MYL2: variants seen among roughly 807,000 people sequenced by gnomAD.
MYL2 encodes the protein myosin regulatory light chain 2, ventricular/cardiac muscle isoform.
Under a neutral mutation model 23.0 loss-of-function variants are expected in MYL2, and 19 were observed. That is an observed-to-expected ratio of 0.83 (90% CI 0.58 to 1.21). The LOEUF is 1.21. Ranked by LOEUF, MYL2 falls within the 50% of genes most tolerant of loss-of-function variation. The pLI is 0.00. For synonymous variants in MYL2, 78 were observed against 76.2 expected (o/e 1.02, Z -0.13); for missense variants, 180 against 215.1 (o/e 0.84, Z 1.02).
intron 3 of MYL2, among the ~76,000 whole-genome samples, chr12:110,915,353 A>G (rs1310729889): frequency 6.6e-6 from 1 of 152,234 alleles, no homozygotes; most frequent in Non-Finnish European, 1.5e-5. Context: ...CAAACCTAAC[A>G]GACATGTCTA....
Position 110,918,943 on chromosome 12 carries a change from T to C in MYL2, c.93+161A>G. ...AATCAGTGAAAATATTAAAAATAGT[T>C]TCTTTTAAAAATTCACACATCCGTT... On this transcript the variant is annotated intron_variant, in intron 2 of 6. Transcript: ENST00000228841. This position sits in a 1 kb window ranked among gnomAD's most constrained non-coding sequence, Gnocchi z 4.4. 1.6e-6 allele frequency: 1 copy of C among 644,814 alleles called. No individual in the cohort carries two copies. The highest frequency in any genetic ancestry group is 1.9e-5 in the South Asian group (1 of 52,550). 39.9% of individuals were successfully genotyped at this position (644,814 alleles called of 1,614,324 possible). A position where few individuals can be genotyped will look rare whatever the true frequency, so the allele number is the denominator to read the frequency against.
intron 6 of MYL2, 134 bp from the exon 7 acceptor site, chr12:110,911,309 C>G: frequency 1.5e-6 from 1 of 680,308 alleles, no homozygotes. Context: ...CTCAGAGGGT[C>G]CTCCGGGGAA....
chr12:110,912,413 A>G (rs2071659227), intron 6 of MYL2, among the ~76,000 whole-genome samples: 2 of 152,240 alleles, frequency 1.3e-5, no homozygotes, highest in South Asian at 4.1e-4. Context: ...TGTTCAGTGC[A>G]CAACTCACAT....
intron 1 of MYL2, among the ~76,000 whole-genome samples, chr12:110,919,665 G>A (rs1021423592): frequency 2.6e-5 from 4 of 152,034 alleles, no homozygotes; most frequent in African/African-American, 7.2e-5. Flanking sequence ...ACCCAACTGC[G>A]CCCCACACCC....
Position 110,919,160 on chromosome 12 carries a change from C to T in MYL2, c.37G>A (p.Ala13Thr), listed in dbSNP as rs104894363. 358 of 1,613,650 alleles carry T rather than the reference C, an allele frequency of 2.2e-4. 1 individual carries two copies. The highest frequency in any genetic ancestry group is 1.5e-4 in the Non-Finnish European group (182 of 1,179,976). Residue 13 changes from alanine to threonine, a missense_variant, in exon 2 of 7, where the codon GCC becomes ACC. Ala to Thr is a moderately conservative substitution (Grantham distance 58). Coordinates refer to ENST00000228841, the MANE Select transcript of MYL2 (RefSeq NM_000432.4). ...PKKAKKRAGG[A>T]NSNVFSMFEQ... ...AACATGGAGAACACGTTGGAGTTGG[C>T]GCCCCCGGCTCTCTTCTTTGCTTTC...
chr12:110,920,817 T>C (rs2071719464), upstream of MYL2: 1 of 568,532 alleles, frequency 1.8e-6, no homozygotes. Context: ...TGCTGCGCGC[T>C]CTCTGCGGTG....
intron 2 of MYL2, 44 bp from the exon 3 acceptor site, chr12:110,915,834 G>A: frequency 6.4e-7 from 1 of 1,565,980 alleles, no homozygotes; most frequent in Non-Finnish European, 8.8e-7. Flanking sequence ...GGAGAAACTG[G>A]CAGAGTTGCC....
At position 110,918,672 on chromosome 12, in the gene MYL2, T is replaced by C. The variant is rs2071701144; in HGVS notation, c.93+432A>G. On this transcript the variant is annotated intron_variant, in intron 2 of 6. Transcript: ENST00000228841. The surrounding 1 kb of genome is among the most constrained non-coding windows in gnomAD (Gnocchi z 4.4). ...AACCATAGGAAATGGTTTAAATACATGATAGGAAATGTTAATGGTGAATTT... is the reference window on the plus strand; with the variant it reads ...AACCATAGGAAATGGTTTAAATACACGATAGGAAATGTTAATGGTGAATTT... Among the ~76,000 whole-genome samples, 1 of 152,186 alleles carries C rather than the reference T, an allele frequency of 6.6e-6. No homozygotes were observed. The highest frequency in any genetic ancestry group is 6.5e-5 in the Admixed American group (1 of 15,276).
In MYL2 at chr12:110,919,093, G is replaced by C. The variant is rs1217072106; in HGVS notation, c.93+11C>G. ...TTCCATCCAGGCGGATGATTCAATA[G>C]CTGCACCCACCTCCTTAAATTCCTG... On this transcript the variant is annotated intron_variant, in intron 2 of 6. Coordinates refer to ENST00000228841, the MANE Select transcript of MYL2 (RefSeq NM_000432.4). The C allele has an allele frequency of 1.2e-6, 2 of 1,613,094 alleles. No homozygotes were observed. Among genetic ancestry groups the C allele is most frequent in the Admixed American group, 1.7e-5 (1 of 60,006 alleles).
At chr12:110,911,639 T>A (rs2071653755) in intron 6 of MYL2, among the ~76,000 whole-genome samples, 1 of 152,028 alleles carries the variant, frequency 6.6e-6, no homozygotes, top group Non-Finnish European at 1.5e-5. Flanking sequence ...TGCAGAGATG[T>A]CCCTGGAAAC....
At position 110,913,320 on chromosome 12, in the gene MYL2, C is replaced by T. The variant is rs28645088; in HGVS notation, c.279G>A (p.Ala93=). Reference sequence around the variant, plus strand: ...CGTTGAGAATGGTTTCCTCAGGGTCCGCTCCTGAAACGGAACACAGGGCTT... The same window carrying T: ...CGTTGAGAATGGTTTCCTCAGGGTCTGCTCCTGAAACGGAACACAGGGCTT... The part of the protein sequence containing the change: ...LTMFGEKLKG[A]DPEETILNAF... The change falls in exon 5 of 7, where the codon GCG becomes GCA. Residue 93 remains alanine (A), a synonymous_variant. Transcript: ENST00000228841. The T allele has an allele frequency of 2.5e-4, 408 of 1,614,188 alleles. No homozygotes were observed. The African/African-American group carries it at 4.6e-3, about 18-fold the overall frequency.
chr12:110,920,691 C>G, upstream of MYL2: 1 of 992,866 alleles, frequency 1.0e-6, no homozygotes, highest in Non-Finnish European at 1.6e-6. Context: ...GCCCCCCCAC[C>G]CCATGCCGTT....
At chr12:110,917,237 A>G (rs564933546) in intron 2 of MYL2, among the ~76,000 whole-genome samples, 2 of 152,212 alleles carry the variant, frequency 1.3e-5, no homozygotes, top group East Asian at 3.9e-4. Flanking sequence ...GTCCCATTTT[A>G]TAGATAGGGC....
upstream of MYL2, among the ~76,000 whole-genome samples, chr12:110,920,901 C>T (rs1475555243): frequency 6.6e-6 from 1 of 152,238 alleles, no homozygotes; most frequent in Non-Finnish European, 1.5e-5. Context: ...CTAAAATGCT[C>T]TGTTTTATCA....
At chr12:110,917,787 T>A (rs1329087045) in intron 2 of MYL2, among the ~76,000 whole-genome samples, 2 of 151,558 alleles carry the variant, frequency 1.3e-5, no homozygotes, top group African/African-American at 4.8e-5. Context: ...TCCCCTTTGA[T>A]ATAAAGCACA....
chr12:110,921,384 C>T (rs537718629), upstream of MYL2, among the ~76,000 whole-genome samples: 23 of 152,164 alleles, frequency 1.5e-4, no homozygotes, highest in African/African-American at 4.8e-4. Context: ...AACACAGCCA[C>T]GCACCTCCTG....
chr12:110,920,444 C>G, intron 1 of MYL2, 83 bp downstream of exon 1: 1 of 1,604,374 alleles, frequency 6.2e-7, no homozygotes, highest in South Asian at 1.1e-5. Context: ...GCCTTCCTCC[C>G]CCTCCGCCGT....
intron 3 of MYL2, among the ~76,000 whole-genome samples, chr12:110,914,588 G>A (rs560559884): frequency 9.2e-5 from 14 of 152,230 alleles, no homozygotes; most frequent in African/African-American, 2.9e-4. Context: ...GTACAATCTC[G>A]ACTCACTGTA....
At chr12:110,914,327 G>T (rs760111001) in intron 3 of MYL2, 37 bp from the exon 4 acceptor site, 2 of 1,477,104 alleles carry the variant, frequency 1.4e-6, no homozygotes, top group Non-Finnish European at 1.9e-6. Flanking sequence ...ACTCCGAGCT[G>T]GGGAGAAAGA....
Sources: gnomAD v4.1 joint callset for allele counts (sites outside exome capture counted in the v4.1 genomes callset) on GRCh38, gnomAD v4.1.1 for gene constraint, Gnocchi (gnomAD v3.1) non-coding constraint, MANE v1.5 for transcripts, NCBI Gene and HGNC (gene_info 2026-07-23, HGNC 2026-07-21) for gene names.